The following RASSF3 variants were observed in gnomAD, a reference collection of about 807,000 sequenced individuals.
RASSF3 encodes Ras association domain family member 3, also known as ras association domain-containing protein 3.
RASSF3 carries 19 observed loss-of-function variants against 19.9 expected under a neutral mutation model. That is an observed-to-expected ratio of 0.96 (90% CI 0.67 to 1.40). The LOEUF (loss-of-function observed/expected upper bound fraction) is 1.40. Among genes scored for constraint, RASSF3 ranks in the 40% most tolerant of loss-of-function variants. RASSF3 has a pLI of 0.00. For missense variants in RASSF3, 306 were observed against 289.8 expected (o/e 1.06, Z -0.41); for synonymous variants, 110 against 104.2 (o/e 1.06, Z -0.34).
At chr12:64,560,445 C>A (rs751789888) in intron 2 of RASSF3, among the ~76,000 whole-genome samples, 3 of 152,196 alleles carry the variant, frequency 2.0e-5, no homozygotes, top group Non-Finnish European at 2.9e-5. Flanking sequence ...TCTGCTCTCC[C>A]TGTAGCTATC....
intron 2 of RASSF3, among the ~76,000 whole-genome samples, chr12:64,550,452 G>A (rs1014959439): frequency 1.3e-5 from 2 of 151,890 alleles, no homozygotes; most frequent in African/African-American, 4.8e-5. Context: ...ATCACCTGAG[G>A]TCAGGAGTTC....
intron 1 of RASSF3, among the ~76,000 whole-genome samples, chr12:64,517,022 GA>G (rs1868380340): frequency 8.5e-6 from 1 of 118,046 alleles, no homozygotes; most frequent in Non-Finnish European, 1.8e-5. Context: ...AAAAAAAAAA[GA>G]AAGAGAAAGA....
rs11461888 is a variant in RASSF3 at position 64,584,503 on chromosome 12, G to GAA, written c.294+42817_294+42818dup. Among the ~76,000 whole-genome samples, 258 of 112,694 alleles carry GAA rather than the reference G, an allele frequency of 2.3e-3. 1 individual carries two copies. Among genetic ancestry groups the GAA allele is most frequent in the East Asian group, 0.017 (49 of 2,938 alleles). 73.9% of individuals were successfully genotyped at this position (112,694 alleles called of 152,430 possible). ...CTTCTACAAAAGAGGTCCAGGCTAAGAAAAAAAAAAAAAAAAAAAAGCTAA... is the reference window on the plus strand; with the variant it reads ...CTTCTACAAAAGAGGTCCAGGCTAAGAAAAAAAAAAAAAAAAAAAAAAGCTAA... On this transcript the variant is annotated intron_variant, in intron 2 of 5. Transcript: ENST00000637125.
chr12:64,668,680 ATTTTTTT>A (rs34052700), intron 1 of RASSF3, among the ~76,000 whole-genome samples: 21 of 124,204 alleles, frequency 1.7e-4, no homozygotes, highest in East Asian at 4.7e-4. Context: ...TTTAATTTTG[ATTTTTTT>A]TTTTTTTTTT....
In RASSF3 at chr12:64,697,021, C is replaced by G. The variant is rs1868386281; in HGVS notation, c.*2109C>G. Reference sequence around the variant, plus strand: ...AGCATTTGTTTCTCAGATTAAGACACTGTTAGAACCTAAAGTAGTAGCTGA... The same window carrying G: ...AGCATTTGTTTCTCAGATTAAGACAGTGTTAGAACCTAAAGTAGTAGCTGA... On this transcript the variant is annotated 3_prime_UTR_variant, in exon 5 of 5. Transcript: ENST00000542104. The G allele has an allele frequency of 6.7e-6, 1 of 149,358 alleles. No homozygotes were observed. Among genetic ancestry groups the G allele is most frequent in the South Asian group, 2.1e-4 (1 of 4,776 alleles). 9.3% of individuals were successfully genotyped at this position (149,358 alleles called of 1,614,324 possible).
intron 1 of RASSF3, among the ~76,000 whole-genome samples, chr12:64,666,250 A>T (rs1452000780): frequency 6.6e-6 from 1 of 152,204 alleles, no homozygotes; most frequent in African/African-American, 2.4e-5. Context: ...TGTAGAATGG[A>T]ATTAGCTATG....
intron 1 of RASSF3, among the ~76,000 whole-genome samples, chr12:64,514,937 T>A (rs530404925): frequency 9.5e-4 from 144 of 152,190 alleles, no homozygotes; most frequent in African/African-American, 2.1e-3. Context: ...GTATTTTTTT[T>A]AAATTTTTGT....
At chr12:64,674,931 T>C (rs746615197) in intron 1 of RASSF3, among the ~76,000 whole-genome samples, 26 of 152,190 alleles carry the variant, frequency 1.7e-4, no homozygotes, top group African/African-American at 6.3e-4. Flanking sequence ...CTCTTGTTTT[T>C]CTTTCTTACA....
chr12:64,572,771 C>A (rs115093715), intron 2 of RASSF3, among the ~76,000 whole-genome samples: 140 of 152,278 alleles, frequency 9.2e-4, no homozygotes, highest in African/African-American at 3.3e-3. Context: ...TCCAACTTGT[C>A]CAAGTCTATG....
At chr12:64,673,233 C>T (rs539248852) in intron 1 of RASSF3, among the ~76,000 whole-genome samples, 1 of 152,148 alleles carries the variant, frequency 6.6e-6, no homozygotes, top group Non-Finnish European at 1.5e-5. Flanking sequence ...TGTATGGCTG[C>T]TGGGTGACGC....
chr12:64,566,446 C>T (rs767568620), intron 2 of RASSF3, among the ~76,000 whole-genome samples: 4 of 152,130 alleles, frequency 2.6e-5, no homozygotes, highest in South Asian at 2.1e-4. Flanking sequence ...AGTGTCCAGT[C>T]GGGCCTTGCA....
chr12:64,521,597 A>G (rs1442440111), intron 1 of RASSF3, among the ~76,000 whole-genome samples: 2 of 152,234 alleles, frequency 1.3e-5, no homozygotes, highest in Non-Finnish European at 2.9e-5. Context: ...CAAGGAAGAA[A>G]GAATCATTTC....
intron 1 of RASSF3, among the ~76,000 whole-genome samples, chr12:64,648,000 G>A (rs1871801687): frequency 6.6e-6 from 1 of 152,244 alleles, no homozygotes; most frequent in African/African-American, 2.4e-5. Flanking sequence ...GACAGGTCCT[G>A]AGGAAGTGCT....
At chr12:64,660,052 G>GTATA (rs146920963) in intron 1 of RASSF3, among the ~76,000 whole-genome samples, 1,879 of 109,536 alleles carry the variant, frequency 0.017, 43 homozygotes, top group African/African-American at 0.05. Context: ...GTGTGTGTAT[G>GTATA]TATATATATA....
intron 1 of RASSF3, among the ~76,000 whole-genome samples, chr12:64,613,798 A>T (rs1488177367): frequency 6.6e-6 from 1 of 151,938 alleles, no homozygotes; most frequent in Non-Finnish European, 1.5e-5. Flanking sequence ...AAATGCAAAA[A>T]TTAGTCAGGC....
At chr12:64,528,113 G>A (rs1185441039) in intron 1 of RASSF3, among the ~76,000 whole-genome samples, 1 of 151,526 alleles carries the variant, frequency 6.6e-6, no homozygotes, top group African/African-American at 2.4e-5. Flanking sequence ...CACACAAAAT[G>A]TTAAAAAAAA....
chr12:64,565,127 T>A (rs557567954), intron 2 of RASSF3, among the ~76,000 whole-genome samples: 7 of 150,966 alleles, frequency 4.6e-5, no homozygotes, highest in Admixed American at 1.3e-4. Context: ...ACTGGCACAC[T>A]TAAGTAGTAG....
At chr12:64,599,743 G>A (rs1870056555) in intron 2 of RASSF3, among the ~76,000 whole-genome samples, 1 of 152,084 alleles carries the variant, frequency 6.6e-6, no homozygotes, top group Non-Finnish European at 1.5e-5. Context: ...TCAAAATACT[G>A]CCTGATAAGC....
At chr12:64,554,535 A>G (rs569784151) in intron 2 of RASSF3, among the ~76,000 whole-genome samples, 1 of 152,098 alleles carries the variant, frequency 6.6e-6, no homozygotes, top group African/African-American at 2.4e-5. Flanking sequence ...GAACTCCTGA[A>G]CTCAGGTGAT....
Sources: allele counts gnomAD v4.1 joint callset (sites outside exome capture counted in the v4.1 genomes callset), GRCh38; gene constraint gnomAD v4.1.1; transcripts MANE v1.5; gene names NCBI Gene and HGNC (gene_info 2026-07-23, HGNC 2026-07-21).